PCDH9: variants seen among roughly 807,000 people sequenced by gnomAD.
The protein encoded by PCDH9 is protocadherin 9, also known as protocadherin-9.
PCDH9 carries 24 observed loss-of-function variants against 70.6 expected under a neutral mutation model. That is an observed-to-expected ratio of 0.34 (90% CI 0.25 to 0.48). The LOEUF is 0.48. Ranked by LOEUF, PCDH9 falls within the 20% of genes least tolerant of loss-of-function variation. PCDH9 has a pLI of 0.99. For synonymous variants in PCDH9, 562 were observed against 558.5 expected, an observed-to-expected ratio of 1.01 and a Z score of -0.09; for missense variants, 1,281 against 1,503.6, an observed-to-expected ratio of 0.85 and a Z score of 2.45.
At chr13:67,041,353 T>C (rs921806422) in intron 2 of PCDH9, among the ~76,000 whole-genome samples, 2 of 152,148 alleles carry the variant, frequency 1.3e-5, no homozygotes, top group East Asian at 1.9e-4. Flanking sequence ...AGTGAAACCA[T>C]GGATAAGGAG....
At chr13:66,670,748 T>C (rs2078162482) in intron 3 of PCDH9, among the ~76,000 whole-genome samples, 1 of 152,024 alleles carries the variant, frequency 6.6e-6, no homozygotes, top group South Asian at 2.1e-4. Context: ...ACATTATGTA[T>C]TTTAATGATG....
At chr13:66,614,376 G>A (rs758581645) in intron 4 of PCDH9, among the ~76,000 whole-genome samples, 2 of 152,116 alleles carry the variant, frequency 1.3e-5, no homozygotes, top group African/African-American at 4.8e-5. Context: ...TTTAAATTGA[G>A]CATTGAAATA....
At chr13:66,775,380 T>C (rs549603291) in intron 3 of PCDH9, among the ~76,000 whole-genome samples, 1 of 152,332 alleles carries the variant, frequency 6.6e-6, no homozygotes, top group East Asian at 1.9e-4. Context: ...AAACAGAGAC[T>C]GTTGCCAGCA....
intron 4 of PCDH9, among the ~76,000 whole-genome samples, chr13:66,516,472 A>C (rs533750592): frequency 6.6e-6 from 1 of 152,202 alleles, no homozygotes; most frequent in East Asian, 1.9e-4. Flanking sequence ...ATCTAAAAAA[A>C]ATTTATATAT....
chr13:66,681,801 G>A (rs2078323887), intron 3 of PCDH9, among the ~76,000 whole-genome samples: 2 of 151,826 alleles, frequency 1.3e-5, no homozygotes, highest in South Asian at 2.1e-4. Flanking sequence ...TCCACCTTCT[G>A]TTCTCTATTA....
chr13:66,330,658 A>T (rs1402400838), intron 4 of PCDH9, among the ~76,000 whole-genome samples: 2 of 152,160 alleles, frequency 1.3e-5, no homozygotes, highest in Non-Finnish European at 2.9e-5. Flanking sequence ...AAATTATTTA[A>T]ATTTTTCTGG....
At chr13:66,629,597 T>C (rs1333476412) in intron 4 of PCDH9, among the ~76,000 whole-genome samples, 1 of 152,204 alleles carries the variant, frequency 6.6e-6, no homozygotes, top group Admixed American at 6.5e-5. Context: ...TAAGAGGTTT[T>C]TTCCTTGGGT....
chr13:66,636,693 T>G (rs545290391), intron 3 of PCDH9, among the ~76,000 whole-genome samples: 1 of 152,250 alleles, frequency 6.6e-6, no homozygotes, highest in African/African-American at 2.4e-5. Flanking sequence ...CTTGCCATGC[T>G]TGAGCAATAA....
At chr13:66,934,541 C>CAAAAAA (rs553566707) in intron 2 of PCDH9, among the ~76,000 whole-genome samples, 17 of 45,782 alleles carry the variant, frequency 3.7e-4, no homozygotes, top group East Asian at 6.6e-4. Flanking sequence ...AACTCAGTCC[C>CAAAAAA]AAAAAAAAAA....
intron 2 of PCDH9, chr13:67,206,414 TC>T (rs990650907): frequency 6.6e-6 from 1 of 152,080 alleles, no homozygotes; most frequent in Non-Finnish European, 1.5e-5. Flanking sequence ...TCTGCCCGCC[TC>T]CCAAAGAGCT....
At chr13:66,902,159 C>T (rs1017820127) in intron 3 of PCDH9, among the ~76,000 whole-genome samples, 1 of 151,340 alleles carries the variant, frequency 6.6e-6, no homozygotes, top group East Asian at 1.9e-4. Flanking sequence ...GTTCTTCTCT[C>T]AATGTTCAAG....
chr13:66,976,228 T>G (rs2083617718), intron 2 of PCDH9, among the ~76,000 whole-genome samples: 1 of 152,116 alleles, frequency 6.6e-6, no homozygotes, highest in Non-Finnish European at 1.5e-5. Flanking sequence ...TTGCATGCAG[T>G]TATTTATTTA....
chr13:66,394,905 C>T (rs1266959958), intron 4 of PCDH9, among the ~76,000 whole-genome samples: 3 of 152,034 alleles, frequency 2.0e-5, no homozygotes, highest in Non-Finnish European at 2.9e-5. Context: ...TGAATGAAAA[C>T]AAATTATTGT....
chr13:66,677,407 T>G (rs2078258279), intron 3 of PCDH9, among the ~76,000 whole-genome samples: 1 of 152,130 alleles, frequency 6.6e-6, no homozygotes, highest in South Asian at 2.1e-4. Flanking sequence ...TTTAAAAGTT[T>G]TTTTGAAGTA....
chr13:66,640,940 A>T (rs765297734), intron 3 of PCDH9, among the ~76,000 whole-genome samples: 1 of 151,958 alleles, frequency 6.6e-6, no homozygotes, highest in African/African-American at 2.4e-5. Context: ...TAATGGCACA[A>T]TCTCGGCTCA....
intron 3 of PCDH9, among the ~76,000 whole-genome samples, chr13:66,694,905 CTT>C (rs367904882): frequency 1.7e-4 from 24 of 141,674 alleles, no homozygotes; most frequent in African/African-American, 2.8e-4. Context: ...CACTTACATA[CTT>C]TTTTTTTTTT....
At chr13:66,674,480 T>C (rs2078217170) in intron 3 of PCDH9, among the ~76,000 whole-genome samples, 2 of 152,122 alleles carry the variant, frequency 1.3e-5, no homozygotes, top group Admixed American at 1.3e-4. Flanking sequence ...CTACTGTAAA[T>C]GACCTCTGTG....
At chr13:66,476,671 C>T (rs1308503470) in intron 4 of PCDH9, among the ~76,000 whole-genome samples, 3 of 151,874 alleles carry the variant, frequency 2.0e-5, no homozygotes, top group African/African-American at 7.2e-5. Flanking sequence ...TGCTTTAAAG[C>T]CCAGCAAACT....
At chr13:66,824,920 G>A (rs948057035) in intron 3 of PCDH9, among the ~76,000 whole-genome samples, 2 of 151,402 alleles carry the variant, frequency 1.3e-5, no homozygotes, top group African/African-American at 2.4e-5. Context: ...AGCTGTTTTC[G>A]TGTCCCAGTG....
Sources: allele counts gnomAD v4.1 joint callset (sites outside exome capture counted in the v4.1 genomes callset), GRCh38; gene constraint gnomAD v4.1.1; transcripts MANE v1.5; gene names NCBI Gene and HGNC (gene_info 2026-07-23, HGNC 2026-07-21).